The following CTNND2 variants were observed in gnomAD, a reference collection of about 807,000 sequenced individuals.
CTNND2 encodes catenin delta 2, also known as catenin delta-2.
A neutral mutation model predicts 144.4 loss-of-function variants in CTNND2; 22 were observed. That is an observed-to-expected ratio of 0.15 (90% CI 0.11 to 0.22). The LOEUF is 0.22. Among genes scored for constraint, CTNND2 ranks in the 10% least tolerant of loss-of-function variants. The probability of loss-of-function intolerance (pLI) is 1.00; values close to 1 mark genes in which losing one functional copy is unlikely to be tolerated. For synonymous variants in CTNND2, 751 were observed against 695.6 expected (o/e 1.08, Z -1.25); for missense variants, 1,353 against 1,618.8 (o/e 0.84, Z 2.82).
At chr5:11,166,491 C>T (rs1226191229) in intron 11 of CTNND2, among the ~76,000 whole-genome samples, 1 of 151,882 alleles carries the variant, frequency 6.6e-6, no homozygotes, top group African/African-American at 2.4e-5. Flanking sequence ...CCTCATGATC[C>T]ACCCGCTTTG....
rs564934825 is a variant in CTNND2 at position 11,679,647 on chromosome 5, C to G, written c.174+52489G>C. ...GGCTCATTTGGTGGTCCCTGTCTTT[C>G]CCGACACTCATGTGTCTCTTTACTT... On this transcript the variant is annotated intron_variant, in intron 2 of 21. Transcript: ENST00000304623. 3.3e-5 allele frequency among the ~76,000 whole-genome samples: 5 copies of G among 152,296 alleles called. No homozygotes were observed. In the South Asian group the frequency reaches 1.0e-3, roughly 32 times the overall value.
intron 16 of CTNND2, among the ~76,000 whole-genome samples, chr5:11,072,470 G>A (rs1748435650): frequency 6.6e-6 from 1 of 152,196 alleles, no homozygotes; most frequent in Non-Finnish European, 1.5e-5. Context: ...AATTGAATAG[G>A]AAAATTTTGT....
intron 2 of CTNND2, among the ~76,000 whole-genome samples, chr5:11,726,152 G>A (rs1290913558): frequency 3.3e-5 from 5 of 151,978 alleles, no homozygotes; most frequent in Non-Finnish European, 5.9e-5. Context: ...AATGATTAAT[G>A]TACAAGGAAG....
intron 12 of CTNND2, among the ~76,000 whole-genome samples, chr5:11,140,266 T>C (rs1009427425): frequency 6.6e-6 from 1 of 152,196 alleles, no homozygotes; most frequent in African/African-American, 2.4e-5. Flanking sequence ...TCCTTCAACC[T>C]GTCCAGGGCA....
chr5:11,898,096 G>C (rs1737543784), intron 1 of CTNND2, among the ~76,000 whole-genome samples: 1 of 152,158 alleles, frequency 6.6e-6, no homozygotes, highest in Admixed American at 6.5e-5. Context: ...GAAGGCAGAG[G>C]ACCTGGGATG....
At chr5:11,132,195 TG>T (rs1171302964) in intron 12 of CTNND2, among the ~76,000 whole-genome samples, 2 of 152,182 alleles carry the variant, frequency 1.3e-5, no homozygotes, top group African/African-American at 2.4e-5. Context: ...GACTGCTCAC[TG>T]GGGGGCTAAG....
At chr5:11,724,907 AAGT>A (rs1334433543) in intron 2 of CTNND2, among the ~76,000 whole-genome samples, 4 of 137,224 alleles carry the variant, frequency 2.9e-5, no homozygotes, top group African/African-American at 1.3e-4. Context: ...TACCTGTCAA[AAGT>A]GATTTTTTTT....
intron 7 of CTNND2, among the ~76,000 whole-genome samples, chr5:11,367,864 C>T (rs889428484): frequency 1.3e-5 from 2 of 152,206 alleles, no homozygotes; most frequent in Admixed American, 1.3e-4. Flanking sequence ...CCTGCCATGA[C>T]AGACATAATG....
At chr5:11,712,257 T>A (rs1236583802) in intron 2 of CTNND2, among the ~76,000 whole-genome samples, 1 of 152,208 alleles carries the variant, frequency 6.6e-6, no homozygotes, top group Non-Finnish European at 1.5e-5. Flanking sequence ...TCCAAAAGTT[T>A]CAGGGTCTCT....
At chr5:11,418,999 T>A (rs999446506) in intron 3 of CTNND2, among the ~76,000 whole-genome samples, 1 of 146,294 alleles carries the variant, frequency 6.8e-6, no homozygotes, top group Non-Finnish European at 1.5e-5. Flanking sequence ...CATCTCTCTA[T>A]ATATATATAT....
At chr5:11,739,009 T>C (rs1240055589) in intron 1 of CTNND2, among the ~76,000 whole-genome samples, 1 of 152,164 alleles carries the variant, frequency 6.6e-6, no homozygotes, top group Non-Finnish European at 1.5e-5. Context: ...ACTTGCACTA[T>C]AGCAGCCCCT....
intron 11 of CTNND2, among the ~76,000 whole-genome samples, chr5:11,171,007 C>T (rs761672126): frequency 3.9e-5 from 6 of 152,160 alleles, no homozygotes; most frequent in African/African-American, 7.2e-5. Flanking sequence ...CCTGCTCCCA[C>T]GATTCAATTA....
intron 9 of CTNND2, among the ~76,000 whole-genome samples, chr5:11,325,552 C>T (rs531232728): frequency 2.6e-5 from 4 of 152,036 alleles, no homozygotes; most frequent in Non-Finnish European, 5.9e-5. Context: ...TGAATGAATG[C>T]TATTTATTGC....
At chr5:11,226,836 C>T (rs1459590513) in intron 10 of CTNND2, among the ~76,000 whole-genome samples, 1 of 152,202 alleles carries the variant, frequency 6.6e-6, no homozygotes, top group Non-Finnish European at 1.5e-5. Flanking sequence ...ATTTTGTTCA[C>T]TGCTGGATTA....
chr5:11,041,727 G>A (rs570366580), intron 16 of CTNND2, among the ~76,000 whole-genome samples: 1 of 152,302 alleles, frequency 6.6e-6, no homozygotes, highest in South Asian at 2.1e-4. Context: ...CACAAGGTAA[G>A]AAGGTACAAC....
chr5:11,571,562 T>A (rs1422082999), intron 2 of CTNND2, among the ~76,000 whole-genome samples: 1 of 152,168 alleles, frequency 6.6e-6, no homozygotes, highest in African/African-American at 2.4e-5. Context: ...AAAAAGCCTC[T>A]AGTTTTTGGC....
At chr5:11,719,020 A>C (rs1786513467) in intron 2 of CTNND2, among the ~76,000 whole-genome samples, 1 of 152,200 alleles carries the variant, frequency 6.6e-6, no homozygotes, top group African/African-American at 2.4e-5. Context: ...TAATAAACTA[A>C]TATGTGTTTG....
At chr5:11,619,771 C>A (rs947907065) in intron 2 of CTNND2, among the ~76,000 whole-genome samples, 1 of 152,164 alleles carries the variant, frequency 6.6e-6, no homozygotes, top group Non-Finnish European at 1.5e-5. Context: ...CTGGAAATTT[C>A]TCTCACTGTA....
At chr5:11,367,189 T>A (rs865909171) in intron 7 of CTNND2, among the ~76,000 whole-genome samples, 1 of 152,216 alleles carries the variant, frequency 6.6e-6, no homozygotes, top group Non-Finnish European at 1.5e-5. Context: ...TAAGGCATTT[T>A]AAAAAGAACA....
Sources: gnomAD v4.1 joint callset for allele counts (sites outside exome capture counted in the v4.1 genomes callset) on GRCh38, gnomAD v4.1.1 for gene constraint, MANE v1.5 for transcripts, NCBI Gene and HGNC (gene_info 2026-07-23, HGNC 2026-07-21) for gene names.